ATP6V1C1: variants seen among roughly 807,000 people sequenced by gnomAD.
The protein encoded by ATP6V1C1 is V-type proton ATPase subunit C 1.
A neutral mutation model predicts 53.9 loss-of-function variants in ATP6V1C1; 45 were observed. The observed-to-expected ratio is 0.83, with a 90% CI of 0.66 to 1.07. The LOEUF (loss-of-function observed/expected upper bound fraction) is 1.07. Among genes scored for constraint, ATP6V1C1 ranks in the 50% least tolerant of loss-of-function variants. The pLI, the probability that ATP6V1C1 is intolerant of heterozygous loss-of-function variation, is 0.00. For synonymous variants in ATP6V1C1, 153 were observed against 155.2 expected, an observed-to-expected ratio of 0.99 and a Z score of 0.11; for missense variants, 315 against 440.3, an observed-to-expected ratio of 0.72 and a Z score of 2.55.
At chr8:103,059,081 C>T (rs1817346678) in intron 8 of ATP6V1C1, among the ~76,000 whole-genome samples, 1 of 151,824 alleles carries the variant, frequency 6.6e-6, no homozygotes, top group African/African-American at 2.4e-5. Context: ...GAAGCAACAT[C>T]ACAAACTCAT....
rs1449154235 is a variant in ATP6V1C1 at position 103,072,710 on chromosome 8, C to T, written c.*3963C>T. The stretch of plus-strand genomic sequence containing the variant: ...TGGCACATTGGAACCATTTTATTCA[C>T]CAGTGGATTTACCCTTAGAGTATTT... On this transcript the variant is annotated 3_prime_UTR_variant, in exon 13 of 13. Coordinates refer to ENST00000518738, the MANE Select transcript of ATP6V1C1 (RefSeq NM_001695.5). 1.3e-5 allele frequency: 2 copies of T among 152,182 alleles called. No individual in the cohort carries two copies. The highest frequency in any genetic ancestry group is 1.3e-4 in the Admixed American group (2 of 15,286). 9.4% of individuals were successfully genotyped at this position (152,182 alleles called of 1,614,324 possible).
chr8:103,024,639 T>G (rs1170204020), intron 1 of ATP6V1C1, among the ~76,000 whole-genome samples: 1 of 152,244 alleles, frequency 6.6e-6, no homozygotes, highest in African/African-American at 2.4e-5. Flanking sequence ...TATATATCAT[T>G]TATAAATTAA....
At chr8:103,033,547 G>A (rs923002515) in intron 1 of ATP6V1C1, among the ~76,000 whole-genome samples, 2 of 152,030 alleles carry the variant, frequency 1.3e-5, no homozygotes, top group Non-Finnish European at 2.9e-5. Flanking sequence ...TCCACTTACC[G>A]TCCTGGGCAG....
chr8:103,053,913 A>G lies in ATP6V1C1; in HGVS notation c.503A>G (p.Glu168Gly). ...AGTTTGCTAACTAGAAGTCTAGCAGAAATTGTGAAGAAGGATGACTTTGTT... is the reference window on the plus strand; with the variant it reads ...AGTTTGCTAACTAGAAGTCTAGCAGGAATTGTGAAGAAGGATGACTTTGTT... ...AGSLLTRSLA[E>G]IVKKDDFVLD... Residue 168 changes from glutamate to glycine, a missense_variant, in exon 7 of 13, where the codon GAA becomes GGA. Glu to Gly is a moderately conservative substitution (Grantham distance 98). Coordinates refer to ENST00000518738, the MANE Select transcript of ATP6V1C1 (RefSeq NM_001695.5). The G allele has an allele frequency of 6.2e-7, 1 of 1,611,866 alleles. No individual in the cohort carries two copies. Among genetic ancestry groups the G allele is most frequent in the Non-Finnish European group, 8.5e-7 (1 of 1,178,682 alleles).
chr8:103,045,939 T>C (rs895355012), intron 3 of ATP6V1C1, among the ~76,000 whole-genome samples: 3 of 146,660 alleles, frequency 2.0e-5, no homozygotes, highest in Non-Finnish European at 4.6e-5. Flanking sequence ...TGACTCCGTT[T>C]CAAAAAAAAA....
rs541820254 is a variant in ATP6V1C1 at position 103,051,135 on chromosome 8, A to C, written c.372A>C (p.Ile124=). The change falls in exon 5 of 13, where the codon ATA becomes ATC. Residue 124 remains isoleucine, a synonymous_variant. Transcript: ENST00000518738. ...IKQSLKNISE[I]IAKGVTQIDN... ...AGTCCCTGAAAAATATTTCTGAAATAATTGCCAAGGTAAGATAATACTTGA... is the reference window on the plus strand; with the variant it reads ...AGTCCCTGAAAAATATTTCTGAAATCATTGCCAAGGTAAGATAATACTTGA... The C allele has an allele frequency of 6.2e-7, 1 of 1,601,470 alleles. No individual in the cohort carries two copies. Among genetic ancestry groups the C allele is most frequent in the Non-Finnish European group, 8.5e-7 (1 of 1,170,332 alleles).
chr8:103,062,161 G>GTTTTTTTT (rs767825523), intron 8 of ATP6V1C1, among the ~76,000 whole-genome samples: 6 of 70,786 alleles, frequency 8.5e-5, no homozygotes, highest in African/African-American at 1.2e-4. Flanking sequence ...GTTCATCAGG[G>GTTTTTTTT]TTTTTTTTTT....
intron 5 of ATP6V1C1, among the ~76,000 whole-genome samples, 158 bp from the exon 6 acceptor site, chr8:103,052,573 A>G (rs985595400): frequency 6.6e-6 from 1 of 152,064 alleles, no homozygotes; most frequent in Non-Finnish European, 1.5e-5. Context: ...TGTTTTTTAA[A>G]TGACCTCCTA....
At chr8:103,037,354 TAAAAA>T (rs934126182) in intron 1 of ATP6V1C1, among the ~76,000 whole-genome samples, 20 of 150,910 alleles carry the variant, frequency 1.3e-4, no homozygotes, top group African/African-American at 2.4e-5. Flanking sequence ...TAAAAATAAT[TAAAAA>T]AAAAGAGAGA....
chr8:103,023,325 G>A (rs1298059942), intron 1 of ATP6V1C1, among the ~76,000 whole-genome samples: 1 of 150,720 alleles, frequency 6.6e-6, no homozygotes, highest in Non-Finnish European at 1.5e-5. Flanking sequence ...GTGGAGGGTG[G>A]CAAAAGTGAA....
At chr8:103,042,228 A>G in intron 2 of ATP6V1C1, 112 bp from the exon 3 acceptor site, 2 of 1,043,160 alleles carry the variant, frequency 1.9e-6, no homozygotes, top group Non-Finnish European at 2.9e-6. Flanking sequence ...CACATTATGA[A>G]ATAAAATAGG....
chr8:103,023,801 A>G (rs928559488), intron 1 of ATP6V1C1, among the ~76,000 whole-genome samples: 1 of 152,052 alleles, frequency 6.6e-6, no homozygotes, highest in African/African-American at 2.4e-5. Context: ...CTGACTGCTG[A>G]TGTATTCCTG....
chr8:103,067,270 T>G (rs1386531514), intron 12 of ATP6V1C1, among the ~76,000 whole-genome samples: 1 of 151,556 alleles, frequency 6.6e-6, no homozygotes, highest in Non-Finnish European at 1.5e-5. Flanking sequence ...GTGGCAGCGG[T>G]CACCTATAAT....
At position 103,063,451 on chromosome 8, in the gene ATP6V1C1, A is replaced by G. The variant is rs553615232; in HGVS notation, c.828+223A>G. Among the ~76,000 whole-genome samples, 18 of 152,260 alleles carry G rather than the reference A, an allele frequency of 1.2e-4. No homozygotes were observed. The South Asian group carries it at 1.2e-3, about 11-fold the overall frequency. On this transcript the variant is annotated intron_variant, in intron 10 of 12. Coordinates refer to ENST00000518738, the MANE Select transcript of ATP6V1C1 (RefSeq NM_001695.5). ...AAGCTTTCTTCTAAAGCTTATGTCT[A>G]TCTGAGATAGAATAGAGTAGATAGA... is the stretch of plus-strand genomic sequence containing the variant.
rs1260292316 is a variant in ATP6V1C1 at position 103,071,493 on chromosome 8, C to T, written c.*2746C>T. On this transcript the variant is annotated 3_prime_UTR_variant, in exon 13 of 13. Coordinates refer to ENST00000518738, the MANE Select transcript of ATP6V1C1 (RefSeq NM_001695.5). ...GTCACACTTCCCGCCCCACACTCAA[C>T]TGTTGTGTGAATGAGCCAGACACAT... is the stretch of plus-strand genomic sequence containing the variant. 1.3e-5 allele frequency: 2 copies of T among 152,232 alleles called. No homozygotes were observed. Among genetic ancestry groups the T allele is most frequent in the Non-Finnish European group, 2.9e-5 (2 of 68,044 alleles). The allele number at this position is 152,232 out of a possible 1,614,324, so 9.4% of individuals were successfully genotyped here.
intron 1 of ATP6V1C1, among the ~76,000 whole-genome samples, chr8:103,030,480 C>T (rs1213683934): frequency 6.6e-6 from 1 of 152,176 alleles, no homozygotes; most frequent in African/African-American, 2.4e-5. Flanking sequence ...TGCTTTCCCA[C>T]CATAAACAAT....
In ATP6V1C1 at chr8:103,029,755, T is replaced by C. The variant is rs541449774; in HGVS notation, c.-40+8530T>C. Reference sequence around the variant, plus strand: ...TAAAAAAAATTTTTTTTTTTTGAGATGGAGTCTTGCTTTGTCGCCCAGGCT... The same window carrying C: ...TAAAAAAAATTTTTTTTTTTTGAGACGGAGTCTTGCTTTGTCGCCCAGGCT... On this transcript the variant is annotated intron_variant, in intron 1 of 12. Coordinates refer to ENST00000518738, the MANE Select transcript of ATP6V1C1 (RefSeq NM_001695.5). Among the ~76,000 whole-genome samples, 93 of 152,128 alleles carry C rather than the reference T, an allele frequency of 6.1e-4. 1 individual carries two copies. In the South Asian group the frequency reaches 0.019, roughly 31 times the overall value.
At chr8:103,047,420 AAATGCG>A (rs1344733987) in intron 3 of ATP6V1C1, among the ~76,000 whole-genome samples, 12 of 107,166 alleles carry the variant, frequency 1.1e-4, no homozygotes, top group African/African-American at 3.9e-4. Flanking sequence ...AAAAAAAAAA[AAATGCG>A]CGCGCACACA....
At chr8:103,064,887 C>A in intron 11 of ATP6V1C1, 76 bp downstream of exon 11, 1 of 1,288,874 alleles carries the variant, frequency 7.8e-7, no homozygotes, top group Non-Finnish European at 1.1e-6. Context: ...TATTATAACA[C>A]AGTCCAGCAA....
Sources: allele counts gnomAD v4.1 joint callset (sites outside exome capture counted in the v4.1 genomes callset), GRCh38; gene constraint gnomAD v4.1.1; transcripts MANE v1.5; gene names NCBI Gene and HGNC (gene_info 2026-07-23, HGNC 2026-07-21).